OCLN: variants seen among roughly 807,000 people sequenced by gnomAD.
OCLN encodes the protein phosphatase 1, regulatory subunit 115.
In OCLN, 21 loss-of-function variants were observed where a neutral mutation model predicts 47.9. That is an observed-to-expected ratio of 0.44 (90% CI 0.31 to 0.63). The LOEUF (loss-of-function observed/expected upper bound fraction) is 0.63. OCLN is among the 30% of genes least tolerant of loss of function. The probability of loss-of-function intolerance (pLI) is 0.08; values close to 1 mark genes in which losing one functional copy is unlikely to be tolerated. For missense variants in OCLN, 360 were observed against 571.0 expected (o/e 0.63, Z 3.77); for synonymous variants, 117 against 198.4 (o/e 0.59, Z 3.45).
chr5:69,494,292 A>T (rs2111915906), intron 1 of OCLN, among the ~76,000 whole-genome samples: 1 of 152,206 alleles, frequency 6.6e-6, no homozygotes. Context: ...GGTTCAAGCG[A>T]TTCTCCTGCT....
chr5:69,522,603 T>A (rs528681987), intron 4 of OCLN, among the ~76,000 whole-genome samples: 32 of 152,344 alleles, frequency 2.1e-4, no homozygotes, highest in South Asian at 1.2e-3. Flanking sequence ...GGATATACAC[T>A]GGACCACCCC....
At chr5:69,521,593 C>T (rs934592770) in intron 4 of OCLN, among the ~76,000 whole-genome samples, 1 of 152,110 alleles carries the variant, frequency 6.6e-6, no homozygotes, top group Admixed American at 6.5e-5. Context: ...ATGGTTGTGT[C>T]ACTGTACTCC....
intron 3 of OCLN, among the ~76,000 whole-genome samples, chr5:69,510,762 G>GTTAT (rs1768760654): frequency 6.6e-6 from 1 of 152,194 alleles, no homozygotes; most frequent in Non-Finnish European, 1.5e-5. Context: ...CTTGAGTTGG[G>GTTAT]TTATACCTAG....
At chr5:69,516,278 C>T (rs903230751) in intron 4 of OCLN, among the ~76,000 whole-genome samples, 2 of 152,258 alleles carry the variant, frequency 1.3e-5, no homozygotes, top group African/African-American at 4.8e-5. Flanking sequence ...GCGGATCAGT[C>T]GCAGTTCGGA....
chr5:69,525,632 C>G (rs1769258959), intron 4 of OCLN, among the ~76,000 whole-genome samples: 1 of 152,098 alleles, frequency 6.6e-6, no homozygotes, highest in Admixed American at 6.6e-5. Flanking sequence ...AAAACTCAAC[C>G]AGTTTCTCTG....
At chr5:69,515,848 C>T (rs1458038382) in intron 4 of OCLN, among the ~76,000 whole-genome samples, 1 of 150,952 alleles carries the variant, frequency 6.6e-6, no homozygotes, top group East Asian at 2.0e-4. Flanking sequence ...GCGCTCCTCA[C>T]ATCCCAGACG....
intron 1 of OCLN, among the ~76,000 whole-genome samples, chr5:69,501,499 A>G (rs958304239): frequency 1.3e-5 from 2 of 151,916 alleles, no homozygotes; most frequent in African/African-American, 4.8e-5. Flanking sequence ...GCGTGGTGGC[A>G]TGTGCCTGTA....
At chr5:69,531,974 T>G (rs889931064) in intron 4 of OCLN, among the ~76,000 whole-genome samples, 2 of 152,212 alleles carry the variant, frequency 1.3e-5, no homozygotes, top group African/African-American at 4.8e-5. Context: ...TTCTGCCACC[T>G]CCAAATTCTT....
intron 2 of OCLN, among the ~76,000 whole-genome samples, chr5:69,507,171 G>T (rs894149439): frequency 2.0e-5 from 3 of 152,088 alleles, no homozygotes; most frequent in Non-Finnish European, 2.9e-5. Flanking sequence ...CTCTCACTTT[G>T]TTGCCCAGGC....
intron 4 of OCLN, among the ~76,000 whole-genome samples, chr5:69,532,997 GTA>G (rs1332999401): frequency 2.6e-5 from 2 of 77,310 alleles, no homozygotes; most frequent in Admixed American, 1.2e-4. Flanking sequence ...ATGTATGCAT[GTA>G]TGTGTGTGTG....
At chr5:69,528,733 A>G (rs1410428510) in intron 4 of OCLN, among the ~76,000 whole-genome samples, 1 of 152,204 alleles carries the variant, frequency 6.6e-6, no homozygotes, top group Non-Finnish European at 1.5e-5. Context: ...TCATCTGAAA[A>G]TAGAGATAAT....
At chr5:69,532,792 AC>A (rs1030247909) in intron 4 of OCLN, among the ~76,000 whole-genome samples, 14 of 151,616 alleles carry the variant, frequency 9.2e-5, no homozygotes, top group African/African-American at 3.4e-4. Flanking sequence ...ACATGGTTAG[AC>A]CCCATCTCTA....
intron 4 of OCLN, among the ~76,000 whole-genome samples, chr5:69,517,106 A>G (rs1302610266): frequency 6.6e-6 from 1 of 152,016 alleles, no homozygotes; most frequent in African/African-American, 2.4e-5. Flanking sequence ...AACTTTTTCT[A>G]AGAAATCCTG....
Position 69,516,276 on chromosome 5 carries a change from G to C in OCLN, c.891+2167G>C, listed in dbSNP as rs752950150. 1.5e-3 allele frequency among the ~76,000 whole-genome samples: 230 copies of C among 152,326 alleles called. 1 individual carries two copies. Among genetic ancestry groups the C allele is most frequent in the Middle Eastern group, 3.4e-3 (1 of 294 alleles). Reference sequence around the variant, plus strand: ...TTGGGAGGCCGAGGCTGGCGGATCAGTCGCAGTTCGGAGCTGGAGACCAGC... The same window carrying C: ...TTGGGAGGCCGAGGCTGGCGGATCACTCGCAGTTCGGAGCTGGAGACCAGC... On this transcript the variant is annotated intron_variant, in intron 4 of 8. Transcript: ENST00000396442.
At chr5:69,508,338 T>C (rs895854770) in intron 2 of OCLN, among the ~76,000 whole-genome samples, 1 of 152,102 alleles carries the variant, frequency 6.6e-6, no homozygotes, top group African/African-American at 2.4e-5. Context: ...CAGTTTGGAC[T>C]AGCCACATTT....
chr5:69,514,815 A>G (rs1768883080), intron 4 of OCLN, among the ~76,000 whole-genome samples: 2 of 152,234 alleles, frequency 1.3e-5, no homozygotes, highest in Non-Finnish European at 2.9e-5. Context: ...GACACAGCAC[A>G]TGTTTCAGAG....
At chr5:69,514,639 G>T (rs933593144) in intron 4 of OCLN, among the ~76,000 whole-genome samples, 2 of 152,016 alleles carry the variant, frequency 1.3e-5, no homozygotes, top group Non-Finnish European at 2.9e-5. Flanking sequence ...GTGAACAAAG[G>T]TCTCTGGTTT....
intron 1 of OCLN, among the ~76,000 whole-genome samples, chr5:69,497,775 A>G (rs1768338784): frequency 6.6e-6 from 1 of 152,140 alleles, no homozygotes; most frequent in Non-Finnish European, 1.5e-5. Flanking sequence ...TGTTCTTTTT[A>G]ATAGCATATT....
intron 4 of OCLN, among the ~76,000 whole-genome samples, chr5:69,515,085 T>G (rs528788784): frequency 1.3e-5 from 2 of 150,132 alleles, no homozygotes; most frequent in East Asian, 4.0e-4. Context: ...GGCTCCTCAC[T>G]TCCCAGTAGG....
Sources: gnomAD v4.1 joint callset for allele counts (sites outside exome capture counted in the v4.1 genomes callset) on GRCh38, gnomAD v4.1.1 for gene constraint, MANE v1.5 for transcripts, NCBI Gene and HGNC (gene_info 2026-07-23, HGNC 2026-07-21) for gene names.